KIAA1328: variants seen among roughly 807,000 people sequenced by gnomAD.
KIAA1328 encodes the protein protein hinderin.
In KIAA1328, 52 loss-of-function variants were observed where a neutral mutation model predicts 68.1. The observed-to-expected ratio is 0.76, with a 90% CI of 0.61 to 0.96. KIAA1328 has a LOEUF of 0.96. Ranked by LOEUF, KIAA1328 falls within the 40% of genes least tolerant of loss-of-function variation. KIAA1328 has a pLI of 0.00. For missense variants in KIAA1328, 641 were observed against 677.6 expected (o/e 0.95, Z 0.60); for synonymous variants, 232 against 239.4 (o/e 0.97, Z 0.28).
intron 6 of KIAA1328, among the ~76,000 whole-genome samples, chr18:36,979,631 A>G (rs956091803): frequency 2.0e-5 from 3 of 152,198 alleles, no homozygotes; most frequent in Non-Finnish European, 4.4e-5. Flanking sequence ...CCAGCTACCA[A>G]TCCCAAGTGA....
chr18:36,903,982 C>T (rs1042767556), intron 5 of KIAA1328, among the ~76,000 whole-genome samples: 1 of 152,106 alleles, frequency 6.6e-6, no homozygotes, highest in African/African-American at 2.4e-5. Flanking sequence ...ATAAGATCCC[C>T]AGGTGATCTG....
intron 8 of KIAA1328, among the ~76,000 whole-genome samples, chr18:37,161,464 C>T (rs1404925222): frequency 6.6e-6 from 1 of 152,168 alleles, no homozygotes; most frequent in Non-Finnish European, 1.5e-5. Flanking sequence ...GAAATAAAAG[C>T]AAAAGTACAT....
chr18:37,161,739 C>T (rs889226158), intron 8 of KIAA1328, among the ~76,000 whole-genome samples: 7 of 152,148 alleles, frequency 4.6e-5, no homozygotes, highest in Admixed American at 2.6e-4. Flanking sequence ...TTAACATAGT[C>T]TTCAGTTAAC....
intron 5 of KIAA1328, among the ~76,000 whole-genome samples, chr18:36,941,396 A>G (rs574949698): frequency 3.7e-4 from 57 of 152,148 alleles, no homozygotes; most frequent in Non-Finnish European, 6.9e-4. Flanking sequence ...GGAGTTCGAG[A>G]CTAGCGTGGC....
chr18:37,138,738 T>A (rs990536950), intron 7 of KIAA1328, among the ~76,000 whole-genome samples: 4 of 152,160 alleles, frequency 2.6e-5, no homozygotes, highest in African/African-American at 9.7e-5. Flanking sequence ...CATTGTTTAG[T>A]TGCCTATTTC....
intron 6 of KIAA1328, among the ~76,000 whole-genome samples, chr18:37,006,914 G>A (rs1345443030): frequency 6.6e-6 from 1 of 152,148 alleles, no homozygotes; most frequent in Non-Finnish European, 1.5e-5. Context: ...TTTTTGTTAT[G>A]ACTCACAATA....
intron 7 of KIAA1328, among the ~76,000 whole-genome samples, chr18:37,145,898 A>G (rs1408393321): frequency 1.3e-5 from 2 of 152,078 alleles, no homozygotes; most frequent in East Asian, 3.9e-4. Context: ...ATTTTTCTCT[A>G]GTCTGACAAT....
At chr18:37,143,154 C>T (rs527509906) in intron 7 of KIAA1328, among the ~76,000 whole-genome samples, 1 of 151,952 alleles carries the variant, frequency 6.6e-6, no homozygotes, top group South Asian at 2.1e-4. Flanking sequence ...GGGATTTTGC[C>T]GTGTTGGTCA....
chr18:37,225,278 G>A lies in KIAA1328; in HGVS notation c.*3051G>A, dbSNP rs891952270. The A allele has an allele frequency of 2.0e-6, 2 of 985,284 alleles. No individual in the cohort carries two copies. Among genetic ancestry groups the A allele is most frequent in the African/African-American group, 3.5e-5 (2 of 57,212 alleles). The allele number at this position is 985,284 out of a possible 1,614,324, so 61.0% of individuals were successfully genotyped here. A position where few individuals can be genotyped will look rare whatever the true frequency, so the allele number is the denominator to read the frequency against. ...GAGTGTATTTTGAATATGAGCAAAT[G>A]TTTATGTACGTATGAGATTTCAAGT... On this transcript the variant is annotated 3_prime_UTR_variant, in exon 10 of 10. Transcript: ENST00000280020.
At chr18:36,851,529 G>C (rs2047211314) in intron 4 of KIAA1328, among the ~76,000 whole-genome samples, 1 of 144,030 alleles carries the variant, frequency 6.9e-6, no homozygotes, top group Non-Finnish European at 1.5e-5. Context: ...AGTCAGTTTT[G>C]GTAATTTTTT....
chr18:36,956,472 G>A (rs1281773518), intron 5 of KIAA1328, among the ~76,000 whole-genome samples: 4 of 149,782 alleles, frequency 2.7e-5, no homozygotes, highest in East Asian at 2.0e-4. Flanking sequence ...CGTTTTGTCC[G>A]CATTTTCCTA....
intron 6 of KIAA1328, 58 bp downstream of exon 6, chr18:36,959,493 A>G (rs1288052257): frequency 2.7e-5 from 42 of 1,541,944 alleles, no homozygotes; most frequent in Middle Eastern, 1.7e-4. Context: ...ATGTCAGAAG[A>G]GCCATTTGTT....
At chr18:37,052,726 G>T (rs1341383006) in intron 6 of KIAA1328, among the ~76,000 whole-genome samples, 1 of 151,958 alleles carries the variant, frequency 6.6e-6, no homozygotes, top group African/African-American at 2.4e-5. Flanking sequence ...ACCAAATCAA[G>T]AACTCAATGC....
chr18:36,883,838 T>G (rs2048399373), intron 4 of KIAA1328, among the ~76,000 whole-genome samples: 1 of 152,006 alleles, frequency 6.6e-6, no homozygotes, highest in African/African-American at 2.4e-5. Context: ...TACTTATTAC[T>G]CTGTCATCCT....
At chr18:37,063,992 A>G (rs1343469819) in intron 6 of KIAA1328, among the ~76,000 whole-genome samples, 2 of 152,184 alleles carry the variant, frequency 1.3e-5, no homozygotes, top group East Asian at 3.9e-4. Context: ...TACCATACTA[A>G]GTAGCAGGTG....
intron 7 of KIAA1328, among the ~76,000 whole-genome samples, chr18:37,078,869 T>G (rs1389558324): frequency 4.0e-5 from 6 of 150,744 alleles, no homozygotes; most frequent in African/African-American, 7.3e-5. Context: ...GGAACACTTT[T>G]ACACTGTTGG....
At chr18:37,039,097 A>C (rs939889858) in intron 6 of KIAA1328, among the ~76,000 whole-genome samples, 3 of 152,012 alleles carry the variant, frequency 2.0e-5, no homozygotes, top group African/African-American at 7.2e-5. Context: ...CTTTTTTCTT[A>C]TATGGGATTT....
chr18:36,838,479 G>A (rs1463449820), intron 3 of KIAA1328, among the ~76,000 whole-genome samples: 4 of 152,126 alleles, frequency 2.6e-5, no homozygotes, highest in African/African-American at 9.7e-5. Flanking sequence ...TTCAGCTCAC[G>A]TATGTCTGAA....
chr18:37,076,219 G>T (rs1021313449), intron 7 of KIAA1328, among the ~76,000 whole-genome samples: 4 of 152,272 alleles, frequency 2.6e-5, no homozygotes, highest in Admixed American at 2.0e-4. Flanking sequence ...TGAACAACCT[G>T]CTCCTGAATG....
Sources: gnomAD v4.1 joint callset for allele counts (sites outside exome capture counted in the v4.1 genomes callset) on GRCh38, gnomAD v4.1.1 for gene constraint, MANE v1.5 for transcripts, NCBI Gene and HGNC (gene_info 2026-07-23, HGNC 2026-07-21) for gene names.